The following STOM variants were observed in gnomAD, a reference collection of about 807,000 sequenced individuals.
STOM encodes the protein erythrocyte band 7 integral membrane protein.
A neutral mutation model predicts 30.6 loss-of-function variants in STOM; 25 were observed. The ratio of observed to expected loss-of-function variants is 0.82; its 90% CI spans 0.60 to 1.14. The LOEUF (loss-of-function observed/expected upper bound fraction) is 1.14, where lower values mean the gene tolerates loss of function less well. Among genes scored for constraint, STOM ranks in the 50% most tolerant of loss-of-function variants. STOM has a pLI of 0.00. For missense variants in STOM, 292 were observed against 365.2 expected (o/e 0.80, Z 1.63); for synonymous variants, 118 against 130.8 (o/e 0.90, Z 0.67).
At chr9:121,369,933 AC>A in intron 1 of STOM, 193 bp downstream of exon 1, 2 of 518,730 alleles carry the variant, frequency 3.9e-6, no homozygotes, top group Non-Finnish European at 6.9e-6. Flanking sequence ...GCAGCCCGCC[AC>A]CCCTCCATCG....
At chr9:121,370,061 C>A in intron 1 of STOM, 66 bp downstream of exon 1, 1 of 1,445,534 alleles carries the variant, frequency 6.9e-7, no homozygotes, top group Non-Finnish European at 9.3e-7. Flanking sequence ...GGCTGTCAGA[C>A]CTCGGAGCGC....
intron 5 of STOM, among the ~76,000 whole-genome samples, 182 bp downstream of exon 5, chr9:121,348,938 A>G (rs995191861): frequency 6.6e-6 from 1 of 152,154 alleles, no homozygotes; most frequent in African/African-American, 2.4e-5. Context: ...AGTGTTATGA[A>G]CTCATGAACT....
At chr9:121,366,221 G>A (rs917010140) in intron 1 of STOM, 38 of 985,232 alleles carry the variant, frequency 3.9e-5, no homozygotes, top group Non-Finnish European at 4.6e-5. Flanking sequence ...TGAAATGTGA[G>A]GCCAAATGCT....
chr9:121,348,705 T>C (rs1263922478), intron 5 of STOM, among the ~76,000 whole-genome samples: 2 of 152,356 alleles, frequency 1.3e-5, no homozygotes, highest in East Asian at 3.9e-4. Flanking sequence ...TCCAGAGTTA[T>C]AGCACTTTAT....
intron 1 of STOM, among the ~76,000 whole-genome samples, chr9:121,369,176 T>C (rs965677182): frequency 6.6e-6 from 1 of 152,200 alleles, no homozygotes; most frequent in Non-Finnish European, 1.5e-5. Context: ...TAAGATGCTG[T>C]GGATAAAGCT....
intron 2 of STOM, among the ~76,000 whole-genome samples, chr9:121,355,384 G>A (rs1256148892): frequency 7.2e-6 from 1 of 139,006 alleles, no homozygotes. Flanking sequence ...CAAGGCTCTG[G>A]CTCAAAAAAA....
Position 121,349,113 on chromosome 9 carries a change from T to A in STOM, c.525+7A>T. On this transcript the variant is annotated splice_region_variant and intron_variant, in intron 5 of 6. Transcript: ENST00000286713. ...CTGGGGGGTAACAGCATTGACGTAC[T>A]CCCCACCTGCATGTTGTGTGCAATT... 6.2e-7 allele frequency: 1 copy of A among 1,613,780 alleles called. No homozygotes were observed.
At chr9:121,355,652 G>A (rs1040059241) in intron 2 of STOM, among the ~76,000 whole-genome samples, 3 of 152,022 alleles carry the variant, frequency 2.0e-5, no homozygotes, top group East Asian at 3.9e-4. Flanking sequence ...TTTAATCCTC[G>A]CAACACTCCT....
chr9:121,339,925 T>C lies in STOM; in HGVS notation c.*1277A>G, dbSNP rs1186838987. On this transcript the variant is annotated 3_prime_UTR_variant, in exon 7 of 7. Transcript: ENST00000286713. ...AATATACTGTGAATTCCTTATACTA[T>C]GTAATGAATGGGTTTGTAATCAACA... The C allele has an allele frequency of 1.9e-6, 2 of 1,060,862 alleles. No individual in the cohort carries two copies. Among genetic ancestry groups the C allele is most frequent in the South Asian group, 4.6e-5 (1 of 21,932 alleles). The allele number at this position is 1,060,862 out of a possible 1,614,324, so 65.7% of individuals were successfully genotyped here. A position where few individuals can be genotyped will look rare whatever the true frequency, so the allele number is the denominator to read the frequency against.
intron 4 of STOM, 63 bp from the exon 5 acceptor site, chr9:121,349,386 A>C: frequency 7.1e-7 from 1 of 1,403,990 alleles, no homozygotes. Context: ...AACTGTAAGG[A>C]ATGTTATTCT....
At position 121,340,983 on chromosome 9, in the gene STOM, C is replaced by T; in HGVS notation, c.*219G>A. 1 of 1,394,250 alleles carries T rather than the reference C, an allele frequency of 7.2e-7. No homozygotes were observed. Among genetic ancestry groups the T allele is most frequent in the Non-Finnish European group, 9.3e-7 (1 of 1,075,952 alleles). The allele number at this position is 1,394,250 out of a possible 1,614,324, so 86.4% of individuals were successfully genotyped here. A position where few individuals can be genotyped will look rare whatever the true frequency, so the allele number is the denominator to read the frequency against. On this transcript the variant is annotated 3_prime_UTR_variant, in exon 7 of 7. Transcript: ENST00000286713. ...CTACATAATAATCTAAAAATACAAA[C>T]TTTTAACTATTTTAAGACTAACAGA...
rs1156937416 is a variant in STOM at position 121,357,424 on chromosome 9, G to GATATATATATATATATATAT, written c.62-1269_62-1268insATATATATATATATATATAT. ...TAGTGTACACACCATATTTTTAAATGATATATATATATATATTTATTTATT... is the reference window on the plus strand; with the variant it reads ...TAGTGTACACACCATATTTTTAAATGATATATATATATATATATATATATATATATATATATTTATTTATT... On this transcript the variant is annotated intron_variant, in intron 1 of 6. Transcript: ENST00000286713. Among the ~76,000 whole-genome samples the GATATATATATATATATATAT allele has an allele frequency of 3.1e-3, 299 of 95,342 alleles. 11 individuals carry two copies. The highest frequency in any genetic ancestry group is 0.011 in the Admixed American group (84 of 7,772). The allele number at this position is 95,342 out of a possible 152,430, so 62.5% of individuals were successfully genotyped here. A position where few individuals can be genotyped will look rare whatever the true frequency, so the allele number is the denominator to read the frequency against.
chr9:121,340,270 A>G lies in STOM; in HGVS notation c.*932T>C, dbSNP rs1224755344. On this transcript the variant is annotated 3_prime_UTR_variant, in exon 7 of 7. Transcript: ENST00000286713. ...GATGTATTTTTAAAATGACCACTCTAGTAGTGAATTTAAAAGTCTTTTAAG... is the reference window on the plus strand; with the variant it reads ...GATGTATTTTTAAAATGACCACTCTGGTAGTGAATTTAAAAGTCTTTTAAG... The G allele has an allele frequency of 1.0e-6, 1 of 985,316 alleles. No homozygotes were observed. The highest frequency in any genetic ancestry group is 1.7e-5 in the African/African-American group (1 of 57,252). The allele number at this position is 985,316 out of a possible 1,614,324, so 61.0% of individuals were successfully genotyped here. A position where few individuals can be genotyped will look rare whatever the true frequency, so the allele number is the denominator to read the frequency against.
chr9:121,340,078 A>G lies in STOM; in HGVS notation c.*1124T>C, dbSNP rs2064232573. On this transcript the variant is annotated 3_prime_UTR_variant, in exon 7 of 7. Coordinates refer to ENST00000286713, the MANE Select transcript of STOM (RefSeq NM_004099.6). ...TAGATATATAACAATTGCATATAGA[A>G]CGTAGAGAAAATTTTATTAAAAAAT... 1.0e-6 allele frequency: 1 copy of G among 974,132 alleles called. No individual in the cohort carries two copies. Among genetic ancestry groups the G allele is most frequent in the Non-Finnish European group, 1.2e-6 (1 of 819,588 alleles). 60.3% of individuals were successfully genotyped at this position (974,132 alleles called of 1,614,324 possible). A position where few individuals can be genotyped will look rare whatever the true frequency, so the allele number is the denominator to read the frequency against.
At chr9:121,349,030 C>T (rs917474947) in intron 5 of STOM, 90 bp downstream of exon 5, 5 of 1,436,460 alleles carry the variant, frequency 3.5e-6, no homozygotes, top group Middle Eastern at 1.9e-4. Context: ...ACCCCCACAA[C>T]TTGAATTAAT....
intron 4 of STOM, among the ~76,000 whole-genome samples, chr9:121,352,355 C>T (rs1423465854): frequency 3.9e-5 from 6 of 152,092 alleles, no homozygotes; most frequent in Non-Finnish European, 8.8e-5. Flanking sequence ...TGGAGCCAAC[C>T]GTATAATCTA....
At chr9:121,344,675 G>T (rs1166622983) in intron 6 of STOM, among the ~76,000 whole-genome samples, 1 of 152,168 alleles carries the variant, frequency 6.6e-6, no homozygotes, top group Non-Finnish European at 1.5e-5. Flanking sequence ...GCATTTTCAT[G>T]TATGTGAAAT....
At chr9:121,366,346 TCAA>T (rs1327878341) in intron 1 of STOM, 12 of 739,646 alleles carry the variant, frequency 1.6e-5, no homozygotes, top group East Asian at 1.3e-4. Flanking sequence ...ATTTTAATTA[TCAA>T]CAAGTGTGTG....
chr9:121,361,539 C>T (rs559977519), intron 1 of STOM, among the ~76,000 whole-genome samples: 2 of 152,126 alleles, frequency 1.3e-5, no homozygotes, highest in Admixed American at 6.5e-5. Context: ...CAGGTGCCCA[C>T]CACCATGCCT....
Sources: allele counts gnomAD v4.1 joint callset (sites outside exome capture counted in the v4.1 genomes callset), GRCh38; gene constraint gnomAD v4.1.1; transcripts MANE v1.5; gene names NCBI Gene and HGNC (gene_info 2026-07-23, HGNC 2026-07-21).